Variants in HS6ST1 observed in about 807,000 individuals in gnomAD.
HS6ST1 encodes the protein heparan-sulfate 6-O-sulfotransferase 1.
A neutral mutation model predicts 25.2 loss-of-function variants in HS6ST1; 3 were observed. The ratio of observed to expected loss-of-function variants is 0.12; its 90% confidence interval spans 0.05 to 0.31. The LOEUF (loss-of-function observed/expected upper bound fraction) is 0.31, where lower values mean the gene tolerates loss of function less well. Among genes scored for constraint, HS6ST1 ranks in the 10% least tolerant of loss-of-function variants. The pLI, the probability that HS6ST1 is intolerant of heterozygous loss-of-function variation, is 1.00. For missense variants in HS6ST1, 310 were observed against 609.6 expected, an observed-to-expected ratio of 0.51 and a Z score of 5.18; for synonymous variants, 204 against 275.1, an observed-to-expected ratio of 0.74 and a Z score of 2.56.
intron 1 of HS6ST1, among the ~76,000 whole-genome samples, chr2:128,313,438 T>G (rs1488374853): frequency 2.6e-5 from 4 of 152,344 alleles, no homozygotes; most frequent in Non-Finnish European, 4.4e-5. Context: ...GAAATTTATA[T>G]GATGGCTTCA....
chr2:128,305,721 C>G (rs982896115), intron 1 of HS6ST1, among the ~76,000 whole-genome samples: 3 of 152,248 alleles, frequency 2.0e-5, no homozygotes, highest in African/African-American at 7.2e-5. Flanking sequence ...GCTCTGCCTG[C>G]CCTTGATCCT....
intron 1 of HS6ST1, among the ~76,000 whole-genome samples, chr2:128,291,087 A>T (rs1200494974): frequency 6.6e-6 from 1 of 152,278 alleles, no homozygotes; most frequent in Non-Finnish European, 1.5e-5. Context: ...ATCATGAATA[A>T]GACAAAGATG....
chr2:128,288,996 A>C (rs1453013677), intron 1 of HS6ST1, among the ~76,000 whole-genome samples: 1 of 152,134 alleles, frequency 6.6e-6, no homozygotes, highest in African/African-American at 2.4e-5. Flanking sequence ...AGGGGCTGAC[A>C]CCTGCTCCCT....
chr2:128,304,053 G>A (rs1694171533), intron 1 of HS6ST1, among the ~76,000 whole-genome samples: 1 of 152,144 alleles, frequency 6.6e-6, no homozygotes, highest in Non-Finnish European at 1.5e-5. Flanking sequence ...TTGGGCTCTG[G>A]GACCTAACAC....
chr2:128,277,889 A>G (rs1013139107), intron 1 of HS6ST1, among the ~76,000 whole-genome samples: 18 of 152,248 alleles, frequency 1.2e-4, no homozygotes, highest in Admixed American at 6.5e-5. Context: ...TCGGCATTTA[A>G]TTATGCTTGG....
At chr2:128,313,483 G>A (rs1694319997) in intron 1 of HS6ST1, among the ~76,000 whole-genome samples, 1 of 152,190 alleles carries the variant, frequency 6.6e-6, no homozygotes, top group Admixed American at 6.5e-5. Flanking sequence ...GGGAATGGAT[G>A]ATTTTCCTTT....
chr2:128,279,838 G>C (rs1693752831), intron 1 of HS6ST1, among the ~76,000 whole-genome samples: 2 of 152,172 alleles, frequency 1.3e-5, no homozygotes, highest in Non-Finnish European at 2.9e-5. Context: ...CAGAAATTCA[G>C]AGAGGCAACC....
chr2:128,295,571 AG>A (rs769670688), intron 1 of HS6ST1, among the ~76,000 whole-genome samples: 3 of 152,268 alleles, frequency 2.0e-5, no homozygotes, highest in Non-Finnish European at 4.4e-5. Flanking sequence ...AGATATAACA[AG>A]AAAATTACAC....
At chr2:128,297,186 T>C (rs183205751) in intron 1 of HS6ST1, among the ~76,000 whole-genome samples, 196 of 152,324 alleles carry the variant, frequency 1.3e-3, no homozygotes, top group African/African-American at 4.5e-3. Flanking sequence ...GTCATAAAGA[T>C]AGGCATATAG....
chr2:128,276,466 A>C (rs900189313), intron 1 of HS6ST1, among the ~76,000 whole-genome samples: 3 of 152,114 alleles, frequency 2.0e-5, no homozygotes, highest in Non-Finnish European at 2.9e-5. Flanking sequence ...GAGCTGAAAC[A>C]GGAAAATTCA....
chr2:128,296,231 A>C (rs1694038343), intron 1 of HS6ST1, among the ~76,000 whole-genome samples: 1 of 152,250 alleles, frequency 6.6e-6, no homozygotes, highest in Non-Finnish European at 1.5e-5. Flanking sequence ...AGACAGCCAG[A>C]TATGAAAAAC....
At position 128,267,458 on chromosome 2, in the gene HS6ST1, G is replaced by A. The variant is rs1185354981; in HGVS notation, c.*704C>T. 3 of 153,340 alleles carry A rather than the reference G, an allele frequency of 2.0e-5. No homozygotes were observed. The highest frequency in any genetic ancestry group is 4.4e-5 in the Non-Finnish European group (3 of 68,888). 9.5% of individuals were successfully genotyped at this position (153,340 alleles called of 1,614,324 possible). A position where few individuals can be genotyped will look rare whatever the true frequency, so the allele number is the denominator to read the frequency against. ...GGGCCTACTACCCAAACCCCTCCTT[G>A]GTCTGAGGACTGTAGGGAGTGGGTG... On this transcript the variant is annotated 3_prime_UTR_variant, in exon 2 of 2. Coordinates refer to ENST00000259241, the MANE Select transcript of HS6ST1 (RefSeq NM_004807.3).
At chr2:128,274,124 A>T (rs546654406) in intron 1 of HS6ST1, among the ~76,000 whole-genome samples, 1 of 152,308 alleles carries the variant, frequency 6.6e-6, no homozygotes, top group East Asian at 1.9e-4. Context: ...CTATCCATTC[A>T]GGTGCTCCAA....
intron 1 of HS6ST1, among the ~76,000 whole-genome samples, chr2:128,299,797 G>A (rs1021625817): frequency 3.9e-5 from 6 of 152,142 alleles, no homozygotes; most frequent in South Asian, 2.1e-4. Flanking sequence ...CCCCCATCCC[G>A]GCCCTGCTAA....
In HS6ST1 at chr2:128,268,151, C is replaced by A. The variant is rs754024280; in HGVS notation, c.*11G>T. On this transcript the variant is annotated 3_prime_UTR_variant, in exon 2 of 2. Transcript: ENST00000259241. ...ACCCCCCAAGAGGCCTCCCCGTGGCCACCACCGCCACTACCACTTCTCAAT... is the reference window on the plus strand; with the variant it reads ...ACCCCCCAAGAGGCCTCCCCGTGGCAACCACCGCCACTACCACTTCTCAAT... 2.5e-6 allele frequency: 4 copies of A among 1,588,866 alleles called. No homozygotes were observed. The highest frequency in any genetic ancestry group is 3.4e-6 in the Non-Finnish European group (4 of 1,165,632).
chr2:128,308,960 G>A (rs982145260), intron 1 of HS6ST1, among the ~76,000 whole-genome samples: 1 of 152,248 alleles, frequency 6.6e-6, no homozygotes, highest in Non-Finnish European at 1.5e-5. Context: ...CAGTGGAACT[G>A]TGGGTATAAT....
At chr2:128,296,546 A>C (rs964464468) in intron 1 of HS6ST1, among the ~76,000 whole-genome samples, 2 of 152,252 alleles carry the variant, frequency 1.3e-5, no homozygotes, top group Admixed American at 1.3e-4. Context: ...ATTAAAAGAA[A>C]TCAGTTGTAT....
chr2:128,290,497 A>AT (rs1693935002), intron 1 of HS6ST1, among the ~76,000 whole-genome samples: 1 of 152,224 alleles, frequency 6.6e-6, no homozygotes, highest in Non-Finnish European at 1.5e-5. Context: ...AATTGAGCAT[A>AT]TAAAAGATAT....
At chr2:128,279,577 TGAG>T (rs1427044054) in intron 1 of HS6ST1, among the ~76,000 whole-genome samples, 1 of 151,982 alleles carries the variant, frequency 6.6e-6, no homozygotes, top group Non-Finnish European at 1.5e-5. Flanking sequence ...GGTCCCACCA[TGAG>T]GACAGAGGCC....
Sources: allele counts gnomAD v4.1 joint callset (sites outside exome capture counted in the v4.1 genomes callset), GRCh38; gene constraint gnomAD v4.1.1; transcripts MANE v1.5; gene names NCBI Gene and HGNC (gene_info 2026-07-23, HGNC 2026-07-21).